NEK6: variants seen among roughly 807,000 people sequenced by gnomAD.
NEK6 encodes the protein NIMA related kinase 6.
Under a neutral mutation model 43.5 loss-of-function variants are expected in NEK6, and 27 were observed. That is an observed-to-expected ratio of 0.62 (90% CI 0.46 to 0.86). The LOEUF is 0.86. Among genes scored for constraint, NEK6 ranks in the 40% least tolerant of loss-of-function variants. NEK6 has a pLI of 0.00. For missense variants in NEK6, 318 were observed against 414.4 expected (o/e 0.77, Z 2.02); for synonymous variants, 167 against 164.1 (o/e 1.02, Z -0.14).
chr9:124,333,500 C>T (rs1408192143), intron 7 of NEK6, among the ~76,000 whole-genome samples: 1 of 152,230 alleles, frequency 6.6e-6, no homozygotes, highest in Non-Finnish European at 1.5e-5. Flanking sequence ...ATGGGCCAAG[C>T]CTCTCTCAGT....
chr9:124,291,036 G>A (rs1191939656), intron 1 of NEK6, among the ~76,000 whole-genome samples: 2 of 152,194 alleles, frequency 1.3e-5, no homozygotes, highest in African/African-American at 2.4e-5. Flanking sequence ...TGCAGGGCCC[G>A]AATAAAGATG....
At chr9:124,306,714 G>T (rs183330236) in intron 2 of NEK6, among the ~76,000 whole-genome samples, 1 of 152,334 alleles carries the variant, frequency 6.6e-6, no homozygotes, top group African/African-American at 2.4e-5. Flanking sequence ...TGGGTCTGAA[G>T]TTAGGCAGAT....
At chr9:124,300,390 G>A (rs1334089752) in intron 1 of NEK6, among the ~76,000 whole-genome samples, 1 of 152,136 alleles carries the variant, frequency 6.6e-6, no homozygotes, top group Non-Finnish European at 1.5e-5. Flanking sequence ...CGTGTTAATG[G>A]GGGCGTGGGT....
intron 8 of NEK6, among the ~76,000 whole-genome samples, chr9:124,344,752 AG>A (rs1010993949): frequency 1.3e-5 from 2 of 152,154 alleles, no homozygotes; most frequent in Non-Finnish European, 2.9e-5. Flanking sequence ...GGATCCTCAT[AG>A]GGGGCCTCCT....
intron 1 of NEK6, among the ~76,000 whole-genome samples, chr9:124,276,449 A>G (rs570830473): frequency 9.8e-5 from 15 of 152,288 alleles, no homozygotes; most frequent in Non-Finnish European, 2.1e-4. Flanking sequence ...CACAGAAGCC[A>G]TAGGGTCAGC....
At chr9:124,346,551 G>A (rs541464118) in intron 8 of NEK6, among the ~76,000 whole-genome samples, 44 of 152,266 alleles carry the variant, frequency 2.9e-4, no homozygotes, top group Non-Finnish European at 3.5e-4. Flanking sequence ...GCACTCGCCC[G>A]ACGGCACTTC....
intron 2 of NEK6, among the ~76,000 whole-genome samples, chr9:124,308,477 C>T (rs1833368118): frequency 6.6e-6 from 1 of 151,950 alleles, no homozygotes; most frequent in Admixed American, 6.6e-5. Flanking sequence ...CATGGTGAAA[C>T]CCCATCTCTA....
chr9:124,289,827 G>A (rs1832328609), intron 1 of NEK6, among the ~76,000 whole-genome samples: 1 of 152,204 alleles, frequency 6.6e-6, no homozygotes, highest in Admixed American at 6.5e-5. Context: ...CATGTTGCAG[G>A]TGGGGAAACT....
intron 1 of NEK6, among the ~76,000 whole-genome samples, chr9:124,262,476 T>C (rs1266998499): frequency 6.6e-6 from 1 of 152,264 alleles, no homozygotes; most frequent in Non-Finnish European, 1.5e-5. Flanking sequence ...GACCCCCACA[T>C]ACATGGCTGC....
chr9:124,328,117 G>T (rs1163312867), intron 7 of NEK6, among the ~76,000 whole-genome samples: 1 of 152,202 alleles, frequency 6.6e-6, no homozygotes, highest in Non-Finnish European at 1.5e-5. Flanking sequence ...CTGGACTCCG[G>T]AAGAGACTTG....
intron 4 of NEK6, among the ~76,000 whole-genome samples, chr9:124,319,142 G>A (rs1833947800): frequency 2.0e-5 from 3 of 151,596 alleles, no homozygotes; most frequent in Admixed American, 6.6e-5. Context: ...CTGCCACCAT[G>A]CCTGGCTAAT....
Position 124,297,187 on chromosome 9 carries a change from G to A in NEK6, c.-29-4749G>A, listed in dbSNP as rs572067152. 2.0e-5 allele frequency among the ~76,000 whole-genome samples: 3 copies of A among 152,358 alleles called. No individual in the cohort carries two copies. The East Asian group carries it at 5.8e-4, about 29-fold the overall frequency. The stretch of plus-strand genomic sequence containing the variant: ...TTTACCAGCTGTGTTACCTGGGGCA[G>A]GGATGACCCTGGGCAAGTCCCTGCC... On this transcript the variant is annotated intron_variant, in intron 1 of 9. Coordinates refer to ENST00000320246, the MANE Select transcript of NEK6 (RefSeq NM_014397.6).
chr9:124,312,313 G>A (rs113097292), intron 2 of NEK6, among the ~76,000 whole-genome samples, 196 bp from the exon 3 acceptor site: 3 of 152,174 alleles, frequency 2.0e-5, no homozygotes, highest in African/African-American at 4.8e-5. Flanking sequence ...TGCACTGGGG[G>A]TCCTTGAGGG....
chr9:124,312,312 G>A (rs1833571549), intron 2 of NEK6, among the ~76,000 whole-genome samples, 197 bp from the exon 3 acceptor site: 1 of 152,166 alleles, frequency 6.6e-6, no homozygotes, highest in South Asian at 2.1e-4. Context: ...CTGCACTGGG[G>A]GTCCTTGAGG....
At position 124,292,901 on chromosome 9, in the gene NEK6, G is replaced by A. The variant is rs770071492; in HGVS notation, c.-29-9035G>A. The stretch of plus-strand genomic sequence containing the variant: ...GCACGGGGGAGCAGGCTGTGGAGCT[G>A]GGAGTGACGGGGTGAGTCCAGGAAG... On this transcript the variant is annotated intron_variant, in intron 1 of 9. Transcript: ENST00000320246. 13 of 1,496,134 alleles carry A rather than the reference G, an allele frequency of 8.7e-6. No homozygotes were observed. In the African/African-American group the frequency reaches 1.5e-4, roughly 18 times the overall value. 92.7% of individuals were successfully genotyped at this position (1,496,134 alleles called of 1,614,324 possible).
rs148968681 is a variant in NEK6 at position 124,326,181 on chromosome 9, A to C, written c.406-149A>C. ...ACACAGCACTCTTGGTTCTGGGCTT[A>C]TTGTTTGCTCAGTGGCTCAATCCCC... On this transcript the variant is annotated intron_variant, in intron 5 of 9. Coordinates refer to ENST00000320246, the MANE Select transcript of NEK6 (RefSeq NM_014397.6). This position sits in a 1 kb window ranked among gnomAD's most constrained non-coding sequence, Gnocchi z 4.5. 467 of 535,738 alleles carry C rather than the reference A, an allele frequency of 8.7e-4. 12 individuals carry two copies. In the East Asian group the frequency reaches 9.5e-3, roughly 11 times the overall value. The allele number at this position is 535,738 out of a possible 1,614,324, so 33.2% of individuals were successfully genotyped here.
chr9:124,307,760 G>A (rs1430602352), intron 2 of NEK6, among the ~76,000 whole-genome samples: 1 of 152,188 alleles, frequency 6.6e-6, no homozygotes, highest in East Asian at 1.9e-4. Flanking sequence ...CTTGACAAAT[G>A]GTCCTGGGTG....
At chr9:124,297,510 C>T (rs761331119) in intron 1 of NEK6, among the ~76,000 whole-genome samples, 1 of 152,206 alleles carries the variant, frequency 6.6e-6, no homozygotes, top group Non-Finnish European at 1.5e-5. Flanking sequence ...TCTGGTCCCT[C>T]GGTGCCTGGG....
intron 1 of NEK6, among the ~76,000 whole-genome samples, chr9:124,287,384 G>T (rs1832213883): frequency 6.6e-6 from 1 of 152,210 alleles, no homozygotes; most frequent in African/African-American, 2.4e-5. Context: ...GCTACCCGCT[G>T]GTAAGGGGCC....
Sources: gnomAD v4.1 joint callset for allele counts (sites outside exome capture counted in the v4.1 genomes callset) on GRCh38, gnomAD v4.1.1 for gene constraint, Gnocchi (gnomAD v3.1) non-coding constraint, MANE v1.5 for transcripts, NCBI Gene and HGNC (gene_info 2026-07-23, HGNC 2026-07-21) for gene names.